The following RSRP1 variants were observed in gnomAD, a reference collection of about 807,000 sequenced individuals.
RSRP1 encodes arginine and serine rich protein 1.
In RSRP1, 37 loss-of-function variants were observed where a neutral mutation model predicts 33.0. The observed-to-expected ratio is 1.12, with a 90% CI of 0.86 to 1.48. The LOEUF is 1.48. RSRP1 is among the 40% of genes most tolerant of loss of function. RSRP1 has a pLI of 0.00. For synonymous variants in RSRP1, 167 were observed against 158.7 expected (o/e 1.05, Z -0.40); for missense variants, 402 against 385.3 (o/e 1.04, Z -0.36).
At chr1:25,245,072 G>T in intron 3 of RSRP1, 78 bp downstream of exon 3, 1 of 1,612,408 alleles carries the variant, frequency 6.2e-7, no homozygotes, top group Non-Finnish European at 8.5e-7. Flanking sequence ...AAAAAGTATA[G>T]TCTAAGATAT....
At chr1:25,246,358 A>C in intron 2 of RSRP1, 86 bp downstream of exon 2, 1 of 1,536,076 alleles carries the variant, frequency 6.5e-7, no homozygotes, top group Non-Finnish European at 8.8e-7. Context: ...CTAATATTGA[A>C]ACTACACAGC....
At chr1:25,271,605 C>T (rs1292817961) in intron 1 of RSRP1, among the ~76,000 whole-genome samples, 3 of 132,724 alleles carry the variant, frequency 2.3e-5, no homozygotes, top group African/African-American at 7.7e-5. Flanking sequence ...TTCCTCGACA[C>T]TTACCATGTA....
chr1:25,247,277 G>A (rs1639539905), intron 1 of RSRP1, 32 bp downstream of exon 1: 2 of 335,036 alleles, frequency 6.0e-6, no homozygotes. Flanking sequence ...CACTGCGGTG[G>A]TCCTGAGAGA....
chr1:25,263,906 T>C (rs1285265331), intron 1 of RSRP1, among the ~76,000 whole-genome samples: 1 of 151,736 alleles, frequency 6.6e-6, no homozygotes, highest in African/African-American at 2.4e-5. Context: ...GATAAATTGG[T>C]CAAAACAAAG....
At chr1:25,255,252 A>C (rs1041296451) in intron 1 of RSRP1, among the ~76,000 whole-genome samples, 4 of 152,146 alleles carry the variant, frequency 2.6e-5, no homozygotes, top group Admixed American at 2.6e-4. Context: ...TTCCTTTTTG[A>C]AGGTTATATG....
intron 1 of RSRP1, among the ~76,000 whole-genome samples, chr1:25,271,719 G>A (rs1304360529): frequency 1.5e-5 from 2 of 131,900 alleles, no homozygotes; most frequent in African/African-American, 5.2e-5. Context: ...GGACTGGACT[G>A]TCCAGTACTG....
At chr1:25,299,492 G>A (rs1247610307) in intron 1 of RSRP1, among the ~76,000 whole-genome samples, 6 of 131,742 alleles carry the variant, frequency 4.6e-5, no homozygotes, top group Non-Finnish European at 1.1e-4. Context: ...TGCACCCAGG[G>A]TGGACTACTC....
rs866581061 is a variant in RSRP1, at chr1:25,314,454, G to A, written c.-67+23524C>T. On this transcript the variant is annotated intron_variant, in intron 1 of 1. Transcript: ENST00000561867. ...TTATTGATTTGTAGGAATTCCTTACGTATCCTGGATATGAATCCCACTTTG... is the reference window on the plus strand; with the variant it reads ...TTATTGATTTGTAGGAATTCCTTACATATCCTGGATATGAATCCCACTTTG... Among the ~76,000 whole-genome samples the A allele has an allele frequency of 1.7e-4, 23 of 132,276 alleles. 4 individuals carry two copies. Among genetic ancestry groups the A allele is most frequent in the Admixed American group, 5.2e-4 (7 of 13,570 alleles). The allele number at this position is 132,276 out of a possible 152,430, so 86.8% of individuals were successfully genotyped here. A position where few individuals can be genotyped will look rare whatever the true frequency, so the allele number is the denominator to read the frequency against.
rs1472906358 is a variant in RSRP1, at chr1:25,278,153, T to C, written c.-66-31124A>G. The stretch of plus-strand genomic sequence containing the variant: ...GATGGGCAGGGGCAGTGGAGGAGAT[T>C]CTAGAGATATTTAGGAGATAAGTCA... On this transcript the variant is annotated intron_variant, in intron 1 of 1. Coordinates refer to the RSRP1 transcript ENST00000561867. Among the ~76,000 whole-genome samples the C allele has an allele frequency of 2.3e-5, 3 of 128,972 alleles. No individual in the cohort carries two copies. In the East Asian group the frequency reaches 5.9e-4, roughly 25 times the overall value. 84.6% of individuals were successfully genotyped at this position (128,972 alleles called of 152,430 possible). A position where few individuals can be genotyped will look rare whatever the true frequency, so the allele number is the denominator to read the frequency against.
chr1:25,258,572 T>C (rs1048967013), intron 1 of RSRP1, among the ~76,000 whole-genome samples: 4 of 152,180 alleles, frequency 2.6e-5, no homozygotes, highest in African/African-American at 9.7e-5. Flanking sequence ...CTCAAAGCTA[T>C]CTGAGGTTTC....
intron 1 of RSRP1, among the ~76,000 whole-genome samples, chr1:25,321,248 G>A (rs1472459501): frequency 7.9e-6 from 1 of 126,672 alleles, no homozygotes; most frequent in African/African-American, 2.7e-5. Context: ...GTCTTACATG[G>A]ATCAGCTTTC....
rs1639292155 is a variant in RSRP1, at chr1:25,245,451, G to A, written c.521-150C>T. 4.5e-6 allele frequency: 5 copies of A among 1,104,400 alleles called. No homozygotes were observed. In the South Asian group the frequency reaches 8.4e-5, roughly 19 times the overall value. 68.4% of individuals were successfully genotyped at this position (1,104,400 alleles called of 1,614,324 possible). ...TAATAGGTAAACTAAGGTTGCCCTT[G>A]AACACTAGTAGCTGCGCTGGTCCAC... On this transcript the variant is annotated intron_variant, in intron 2 of 4. Coordinates refer to ENST00000243189, the MANE Select transcript of RSRP1 (RefSeq NM_020317.5).
chr1:25,245,447 C>T, intron 2 of RSRP1, 146 bp from the exon 3 acceptor site: 1 of 1,149,236 alleles, frequency 8.7e-7, no homozygotes, highest in South Asian at 1.7e-5. Flanking sequence ...CTAAGGTTGC[C>T]CTTGAACACT....
chr1:25,249,978 T>C (rs1300828590), upstream of RSRP1, among the ~76,000 whole-genome samples: 3 of 152,036 alleles, frequency 2.0e-5, no homozygotes, highest in Non-Finnish European at 2.9e-5. Flanking sequence ...TGGAGACAAA[T>C]TGTGGAGTCC....
rs1640797513 is a variant in RSRP1, at chr1:25,274,758, G to A, written c.-66-27729C>T. Among the ~76,000 whole-genome samples the A allele has an allele frequency of 2.2e-5, 3 of 133,936 alleles. 1 individual carries two copies. The highest frequency in any genetic ancestry group is 7.6e-5 in the African/African-American group (3 of 39,256). The allele number at this position is 133,936 out of a possible 152,430, so 87.9% of individuals were successfully genotyped here. A position where few individuals can be genotyped will look rare whatever the true frequency, so the allele number is the denominator to read the frequency against. On this transcript the variant is annotated intron_variant, in intron 1 of 1. Transcript: ENST00000561867. The stretch of plus-strand genomic sequence containing the variant: ...GACGTGGCTCACGCCTGTAATCCCG[G>A]CACATTGGGAGGCCAAGGCTGGAGA...
upstream of RSRP1, among the ~76,000 whole-genome samples, chr1:25,248,797 T>C (rs927638952): frequency 2.6e-5 from 4 of 152,178 alleles, no homozygotes; most frequent in Non-Finnish European, 5.9e-5. Flanking sequence ...GAAGATACAA[T>C]GCCCATCCAT....
rs554906449 is a variant in RSRP1 at position 25,311,694 on chromosome 1, G to C, written c.-67+26284C>G. Among the ~76,000 whole-genome samples the C allele has an allele frequency of 6.2e-4, 81 of 129,626 alleles. 2 individuals carry two copies. In the East Asian group the frequency reaches 0.014, roughly 23 times the overall value. The allele number at this position is 129,626 out of a possible 152,430, so 85.0% of individuals were successfully genotyped here. On this transcript the variant is annotated intron_variant, in intron 1 of 1. Coordinates refer to the RSRP1 transcript ENST00000561867. The stretch of plus-strand genomic sequence containing the variant: ...AGGGCAGAATGGTTTGGAATGACCA[G>C]CTGCTGCCCAGGGCTGCCTTGGGTC...
At chr1:25,316,369 C>A (rs1288585837) in intron 1 of RSRP1, among the ~76,000 whole-genome samples, 1 of 129,508 alleles carries the variant, frequency 7.7e-6, no homozygotes. Flanking sequence ...TCTGTAATCC[C>A]AGCACTTTGG....
chr1:25,254,286 T>C (rs897145046), intron 1 of RSRP1, among the ~76,000 whole-genome samples: 2 of 152,132 alleles, frequency 1.3e-5, no homozygotes, highest in Admixed American at 1.3e-4. Context: ...AGGCTTGCAG[T>C]GCTATACAGG....
Sources: gnomAD v4.1 joint callset for allele counts (sites outside exome capture counted in the v4.1 genomes callset) on GRCh38, gnomAD v4.1.1 for gene constraint, MANE v1.5 for transcripts, NCBI Gene and HGNC (gene_info 2026-07-23, HGNC 2026-07-21) for gene names.